The following RABEP1 variants were observed in gnomAD, a reference collection of about 807,000 sequenced individuals.
RABEP1 encodes rab GTPase-binding effector protein 1.
In RABEP1, 51 loss-of-function variants were observed where a neutral mutation model predicts 123.4. That is an observed-to-expected ratio of 0.41 (90% CI 0.33 to 0.52). The LOEUF is 0.52. RABEP1 is among the 20% of genes least tolerant of loss of function. The pLI is 0.16. For missense variants in RABEP1, 888 were observed against 996.3 expected, an observed-to-expected ratio of 0.89 and a Z score of 1.46; for synonymous variants, 347 against 355.2, an observed-to-expected ratio of 0.98 and a Z score of 0.26.
At chr17:5,289,129 C>CT (rs2075007408) in intron 1 of RABEP1, among the ~76,000 whole-genome samples, 1 of 148,906 alleles carries the variant, frequency 6.7e-6, no homozygotes, top group African/African-American at 2.5e-5. Flanking sequence ...TCATTTTTTT[C>CT]TTTTTTTGCT....
chr17:5,368,262 G>T, intron 11 of RABEP1, 108 bp from the exon 12 acceptor site: 1 of 765,534 alleles, frequency 1.3e-6, no homozygotes, highest in South Asian at 1.7e-5. Context: ...TGGTTCCCAT[G>T]AACAAATAAA....
intron 1 of RABEP1, among the ~76,000 whole-genome samples, chr17:5,286,283 C>T (rs2074976704): frequency 6.6e-6 from 1 of 152,174 alleles, no homozygotes; most frequent in Non-Finnish European, 1.5e-5. Context: ...ATCACAAGGT[C>T]AGGCGTTCAA....
Position 5,282,423 on chromosome 17 carries a change from C to T in RABEP1, c.-64C>T. On this transcript the variant is annotated 5_prime_UTR_variant, in exon 1 of 18. Transcript: ENST00000537505. ...GTTGACGCCTCCTCCGCCAGCTGAG[C>T]CCGCGGGAGCCCAGGACGCCGCTTC... The T allele has an allele frequency of 8.0e-7, 1 of 1,253,580 alleles. No homozygotes were observed. 77.7% of individuals were successfully genotyped at this position (1,253,580 alleles called of 1,614,324 possible). A position where few individuals can be genotyped will look rare whatever the true frequency, so the allele number is the denominator to read the frequency against.
At chr17:5,360,839 T>C in intron 8 of RABEP1, 1 of 226,848 alleles carries the variant, frequency 4.4e-6, no homozygotes. Flanking sequence ...CACGCCACAC[T>C]GAATTGCAGG....
intron 2 of RABEP1, among the ~76,000 whole-genome samples, chr17:5,316,491 T>A (rs113510048): frequency 0.2 from 22,557 of 114,918 alleles, 1,925 homozygotes; most frequent in Middle Eastern, 0.28. Flanking sequence ...GCTGGTAGAG[T>A]GATAGACATT....
chr17:5,336,197 C>G (rs1438864821), intron 4 of RABEP1, among the ~76,000 whole-genome samples: 1 of 151,970 alleles, frequency 6.6e-6, no homozygotes, highest in African/African-American at 2.4e-5. Flanking sequence ...TTGAATTGAT[C>G]ATGCCTTTTT....
At position 5,384,570 on chromosome 17, in the gene RABEP1, G is replaced by GTCTT. The variant is rs921601359; in HGVS notation, c.*1349_*1352dup. 1 of 216,262 alleles carries GTCTT rather than the reference G, an allele frequency of 4.6e-6. No homozygotes were observed. Among genetic ancestry groups the GTCTT allele is most frequent in the African/African-American group, 2.3e-5 (1 of 44,438 alleles). 13.4% of individuals were successfully genotyped at this position (216,262 alleles called of 1,614,324 possible). A position where few individuals can be genotyped will look rare whatever the true frequency, so the allele number is the denominator to read the frequency against. ...CGCCACCATCAACTTAAAGTGAATT[G>GTCTT]TCTTTGTTATAAATGAGGTCACTAT... is the stretch of plus-strand genomic sequence containing the variant. On this transcript the variant is annotated 3_prime_UTR_variant, in exon 18 of 18. Transcript: ENST00000537505.
chr17:5,371,837 C>T (rs973231589), intron 12 of RABEP1, among the ~76,000 whole-genome samples: 1 of 152,098 alleles, frequency 6.6e-6, no homozygotes, highest in African/African-American at 2.4e-5. Context: ...TGTCTTTCTC[C>T]TCTATTGGAC....
chr17:5,307,999 T>G (rs1053245345), intron 1 of RABEP1, among the ~76,000 whole-genome samples: 1 of 152,200 alleles, frequency 6.6e-6, no homozygotes, highest in Admixed American at 6.5e-5. Context: ...TTGTGACACT[T>G]GAGAGAAATG....
intron 13 of RABEP1, among the ~76,000 whole-genome samples, 197 bp downstream of exon 13, chr17:5,373,651 C>T (rs1413471584): frequency 1.3e-5 from 2 of 150,420 alleles, no homozygotes; most frequent in East Asian, 3.9e-4. Flanking sequence ...ACATTTTCAT[C>T]ACCTCAAGTA....
At position 5,377,728 on chromosome 17, in the gene RABEP1, T is replaced by C. The variant is rs1008521461; in HGVS notation, c.2215+423T>C. ...TTTTTAGTAGAGACGGGTTTCTCCA[T>C]GTTGGTCAAGCTGGTCTCGAACTCC... On this transcript the variant is annotated intron_variant, in intron 14 of 17. Coordinates refer to ENST00000537505, the MANE Select transcript of RABEP1 (RefSeq NM_004703.6). Among the ~76,000 whole-genome samples, 27 of 152,172 alleles carry C rather than the reference T, an allele frequency of 1.8e-4. 1 individual carries two copies. Among genetic ancestry groups the C allele is most frequent in the Non-Finnish European group, 1.6e-4 (11 of 67,984 alleles).
rs1036299856 is a variant in RABEP1 at position 5,354,496 on chromosome 17, G to A, written c.1095+6G>A. On this transcript the variant is annotated splice_donor_region_variant and intron_variant, in intron 8 of 17. Transcript: ENST00000537505. ...CCCAGTTATCAAATGAAGAGGTATAGTGAGTCTATAATTAAAGTCATTAAA... is the reference window on the plus strand; with the variant it reads ...CCCAGTTATCAAATGAAGAGGTATAATGAGTCTATAATTAAAGTCATTAAA... The A allele has an allele frequency of 1.9e-6, 3 of 1,599,212 alleles. No individual in the cohort carries two copies. Among genetic ancestry groups the A allele is most frequent in the African/African-American group, 2.7e-5 (2 of 74,054 alleles).
rs753733509 is a variant in RABEP1 at position 5,341,775 on chromosome 17, C to T, written c.648+3637C>T. Among the ~76,000 whole-genome samples, 9 of 152,182 alleles carry T rather than the reference C, an allele frequency of 5.9e-5. No individual in the cohort carries two copies. In the South Asian group the frequency reaches 1.4e-3, roughly 24 times the overall value. Reference sequence around the variant, plus strand: ...GTAGGGTGTATTCCCAGAAATTTATCGGAAAATCTATCATTGCAGTGTACA... The same window carrying T: ...GTAGGGTGTATTCCCAGAAATTTATTGGAAAATCTATCATTGCAGTGTACA... On this transcript the variant is annotated intron_variant, in intron 5 of 17. Coordinates refer to ENST00000537505, the MANE Select transcript of RABEP1 (RefSeq NM_004703.6).
intron 3 of RABEP1, among the ~76,000 whole-genome samples, chr17:5,333,266 G>A (rs1458894700): frequency 6.6e-6 from 1 of 152,096 alleles, no homozygotes; most frequent in South Asian, 2.1e-4. Context: ...AGGTTCAAGC[G>A]ATTCTCCTGC....
intron 1 of RABEP1, among the ~76,000 whole-genome samples, chr17:5,300,332 A>G (rs1177880637): frequency 2.0e-5 from 3 of 152,158 alleles, no homozygotes; most frequent in East Asian, 3.9e-4. Flanking sequence ...ATGTCCCTAA[A>G]TTGGGATCTG....
At chr17:5,374,564 G>A (rs1353163236) in intron 13 of RABEP1, among the ~76,000 whole-genome samples, 1 of 152,018 alleles carries the variant, frequency 6.6e-6, no homozygotes, top group Non-Finnish European at 1.5e-5. Context: ...AGCCTCCCGA[G>A]TAGCTGGGAT....
chr17:5,321,788 C>T (rs904774736), intron 2 of RABEP1, among the ~76,000 whole-genome samples: 5 of 152,210 alleles, frequency 3.3e-5, no homozygotes, highest in Admixed American at 2.0e-4. Context: ...CAGCTAGGTG[C>T]AGTGGCTTAT....
intron 6 of RABEP1, among the ~76,000 whole-genome samples, chr17:5,349,962 C>T (rs1158319729): frequency 6.6e-6 from 1 of 152,106 alleles, no homozygotes; most frequent in Non-Finnish European, 1.5e-5. Context: ...TAGGAGTGCA[C>T]TTTGGGAGAC....
intron 2 of RABEP1, among the ~76,000 whole-genome samples, chr17:5,309,654 CAAAA>C (rs111398404): frequency 2.9e-5 from 2 of 68,314 alleles, no homozygotes. Context: ...ACTCCCATCT[CAAAA>C]AAAAAAAAAA....
Sources: gnomAD v4.1 joint callset for allele counts (sites outside exome capture counted in the v4.1 genomes callset) on GRCh38, gnomAD v4.1.1 for gene constraint, MANE v1.5 for transcripts, NCBI Gene and HGNC (gene_info 2026-07-23, HGNC 2026-07-21) for gene names.